Variants in LPP observed in about 807,000 individuals in gnomAD.
LPP encodes lipoma-preferred partner.
A neutral mutation model predicts 60.4 loss-of-function variants in LPP; 38 were observed. The ratio of observed to expected loss-of-function variants is 0.63; its 90% CI spans 0.49 to 0.83. The LOEUF (loss-of-function observed/expected upper bound fraction) is 0.83. Among genes scored for constraint, LPP ranks in the 40% least tolerant of loss-of-function variants. LPP has a pLI of 0.00. For missense variants in LPP, 902 were observed against 783.6 expected (o/e 1.15, Z -1.80); for synonymous variants, 328 against 290.8 (o/e 1.13, Z -1.30).
At chr3:188,642,368 T>G (rs1405944083) in intron 7 of LPP, among the ~76,000 whole-genome samples, 2 of 152,230 alleles carry the variant, frequency 1.3e-5, no homozygotes, top group African/African-American at 4.8e-5. Context: ...AAGATGGAGC[T>G]AAATATTCTT....
At chr3:188,206,635 A>G (rs1052696705) in intron 1 of LPP, among the ~76,000 whole-genome samples, 1 of 152,164 alleles carries the variant, frequency 6.6e-6, no homozygotes, top group African/African-American at 2.4e-5. Flanking sequence ...CATGCTAGTT[A>G]TGTGGAGAGG....
At chr3:188,561,061 G>A (rs1830559556) in intron 6 of LPP, among the ~76,000 whole-genome samples, 2 of 152,040 alleles carry the variant, frequency 1.3e-5, no homozygotes, top group African/African-American at 4.8e-5. Context: ...ATCCAAGTTT[G>A]AATGTCTGTG....
intron 1 of LPP, among the ~76,000 whole-genome samples, chr3:188,181,802 G>C (rs1322378658): frequency 1.3e-5 from 2 of 152,206 alleles, no homozygotes; most frequent in Non-Finnish European, 2.9e-5. Flanking sequence ...GCTCACTGCA[G>C]CCTTGGAAAT....
rs1320408545 is a variant in LPP at position 188,373,632 on chromosome 3, A to G, written c.-10+31913A>G. 7.0e-4 allele frequency among the ~76,000 whole-genome samples: 107 copies of G among 152,048 alleles called. 1 individual carries two copies. The highest frequency in any genetic ancestry group is 2.0e-3 in the Admixed American group (30 of 15,268). On this transcript the variant is annotated intron_variant, in intron 3 of 11. Transcript: ENST00000617246. The stretch of plus-strand genomic sequence containing the variant: ...GCCCTTTGTCAGATGAGTAGGTTGC[A>G]AAAATTTTCTCCCATTCTGTAGGTT...
At chr3:188,860,152 C>T (rs1277840138) in intron 9 of LPP, among the ~76,000 whole-genome samples, 1 of 151,590 alleles carries the variant, frequency 6.6e-6, no homozygotes, top group Non-Finnish European at 1.5e-5. Context: ...TTAGAACTAC[C>T]AAGGTAAAAT....
chr3:188,760,350 T>C (rs879188124), intron 9 of LPP, 68 bp downstream of exon 9: 2 of 1,514,796 alleles, frequency 1.3e-6, no homozygotes, highest in Admixed American at 1.7e-5. Flanking sequence ...CCAGTCACTC[T>C]AGATAGAATA....
At chr3:188,458,894 G>A (rs1397837983) in intron 4 of LPP, among the ~76,000 whole-genome samples, 2 of 151,742 alleles carry the variant, frequency 1.3e-5, no homozygotes, top group Non-Finnish European at 2.9e-5. Flanking sequence ...CTGGAAGTAG[G>A]ATTGGTTTGG....
intron 7 of LPP, among the ~76,000 whole-genome samples, chr3:188,654,975 C>A (rs945577438): frequency 6.6e-6 from 1 of 152,100 alleles, no homozygotes; most frequent in Non-Finnish European, 1.5e-5. Context: ...AGGAAAACTG[C>A]ATAAATTAAA....
chr3:188,838,864 G>A (rs1001034850), intron 9 of LPP, among the ~76,000 whole-genome samples: 6 of 152,122 alleles, frequency 3.9e-5, no homozygotes, highest in African/African-American at 1.4e-4. Flanking sequence ...CTGTCGTGGG[G>A]GTCGGGTGCA....
intron 3 of LPP, among the ~76,000 whole-genome samples, chr3:188,368,795 G>C (rs1280944312): frequency 6.6e-6 from 1 of 150,912 alleles, no homozygotes; most frequent in Non-Finnish European, 1.5e-5. Context: ...AAGGTGAGAA[G>C]ACCCTCTATA....
chr3:188,197,812 G>A (rs576327087), intron 1 of LPP, among the ~76,000 whole-genome samples: 6 of 152,266 alleles, frequency 3.9e-5, no homozygotes, highest in South Asian at 2.1e-4. Flanking sequence ...AGCTCCCAAG[G>A]TGCAACCCCG....
At chr3:188,571,374 T>C (rs950474462) in intron 6 of LPP, among the ~76,000 whole-genome samples, 1 of 152,032 alleles carries the variant, frequency 6.6e-6, no homozygotes, top group African/African-American at 2.4e-5. Context: ...CATCCCAATA[T>C]TTTCAGAAGA....
At position 188,636,291 on chromosome 3, in the gene LPP, T is replaced by A. The variant is rs547431722; in HGVS notation, c.1113+26447T>A. On this transcript the variant is annotated intron_variant, in intron 7 of 11. Transcript: ENST00000617246. ...TCCCTTTCCTAACCAAAGAAAGGGG[T>A]GACAGACGGCACCTGGAAAATCGGG... Among the ~76,000 whole-genome samples, 8 of 152,030 alleles carry A rather than the reference T, an allele frequency of 5.3e-5. No individual in the cohort carries two copies. In the South Asian group the frequency reaches 1.7e-3, roughly 32 times the overall value.
intron 5 of LPP, among the ~76,000 whole-genome samples, chr3:188,521,184 C>T (rs1818756478): frequency 6.6e-6 from 1 of 152,182 alleles, no homozygotes; most frequent in Non-Finnish European, 1.5e-5. Flanking sequence ...CTTCTCCCCT[C>T]TCACCCCACG....
At chr3:188,782,568 G>A (rs1217136265) in intron 9 of LPP, among the ~76,000 whole-genome samples, 1 of 152,078 alleles carries the variant, frequency 6.6e-6, no homozygotes, top group African/African-American at 2.4e-5. Flanking sequence ...TGCTAACTGT[G>A]ACTATAGAGA....
intron 1 of LPP, among the ~76,000 whole-genome samples, chr3:188,196,100 T>A (rs945299034): frequency 6.6e-6 from 1 of 152,226 alleles, no homozygotes; most frequent in South Asian, 2.1e-4. Flanking sequence ...TGTTGACCAC[T>A]CCCAGTGTCT....
intron 2 of LPP, among the ~76,000 whole-genome samples, chr3:188,244,031 C>G (rs757021028): frequency 6.6e-6 from 1 of 152,066 alleles, no homozygotes; most frequent in Non-Finnish European, 1.5e-5. Flanking sequence ...TCACCACGCC[C>G]GGCTAATTTT....
chr3:188,239,948 T>C (rs577720291), intron 2 of LPP: 8 of 201,150 alleles, frequency 4.0e-5, no homozygotes, highest in Non-Finnish European at 7.2e-5. Flanking sequence ...CAATTTATTT[T>C]ATCCCAAACA....
chr3:188,787,893 A>C (rs1232758192), intron 9 of LPP, among the ~76,000 whole-genome samples: 2 of 152,206 alleles, frequency 1.3e-5, no homozygotes, highest in Non-Finnish European at 2.9e-5. Context: ...TGTAAGCTCC[A>C]GATATGTATC....
Sources: gnomAD v4.1 joint callset for allele counts (sites outside exome capture counted in the v4.1 genomes callset) on GRCh38, gnomAD v4.1.1 for gene constraint, MANE v1.5 for transcripts, NCBI Gene and HGNC (gene_info 2026-07-23, HGNC 2026-07-21) for gene names.